Variants in MLLT3 observed in about 807,000 individuals in gnomAD.
MLLT3 encodes the protein protein AF-9.
In MLLT3, 4 loss-of-function variants were observed where a neutral mutation model predicts 53.2. The observed-to-expected ratio is 0.08, with a 90% CI of 0.04 to 0.17. The LOEUF (loss-of-function observed/expected upper bound fraction) is 0.17. MLLT3 is among the 10% of genes least tolerant of loss of function. The pLI, the probability that MLLT3 is intolerant of heterozygous loss-of-function variation, is 1.00. For missense variants in MLLT3, 569 were observed against 684.0 expected, an observed-to-expected ratio of 0.83 and a Z score of 1.87; for synonymous variants, 283 against 230.6, an observed-to-expected ratio of 1.23 and a Z score of -2.06.
At chr9:20,354,620 C>G (rs1308015576) in intron 9 of MLLT3, among the ~76,000 whole-genome samples, 188 bp downstream of exon 9, 1 of 152,168 alleles carries the variant, frequency 6.6e-6, no homozygotes, top group African/African-American at 2.4e-5. Flanking sequence ...AAGCTTAATA[C>G]TGAAGATATA....
At chr9:20,562,226 A>G (rs974553654) in intron 2 of MLLT3, among the ~76,000 whole-genome samples, 22 of 152,122 alleles carry the variant, frequency 1.4e-4, no homozygotes, top group African/African-American at 3.6e-4. Context: ...CACAATCACT[A>G]TAAGTTTCCA....
intron 2 of MLLT3, among the ~76,000 whole-genome samples, chr9:20,613,936 A>G (rs568335515): frequency 6.6e-6 from 1 of 152,340 alleles, no homozygotes; most frequent in Non-Finnish European, 1.5e-5. Context: ...ATGAATGTCA[A>G]AGATGTCCAC....
At chr9:20,504,312 T>C (rs1432628683) in intron 2 of MLLT3, among the ~76,000 whole-genome samples, 1 of 151,778 alleles carries the variant, frequency 6.6e-6, no homozygotes, top group Admixed American at 6.6e-5. Context: ...AAGAGAAGAA[T>C]GGACAAAGAA....
intron 5 of MLLT3, among the ~76,000 whole-genome samples, chr9:20,384,901 C>T (rs1426239598): frequency 6.6e-6 from 1 of 152,050 alleles, no homozygotes; most frequent in Non-Finnish European, 1.5e-5. Context: ...CCAGCCGCAC[C>T]CTCCTGGGGC....
intron 2 of MLLT3, among the ~76,000 whole-genome samples, chr9:20,612,753 C>T (rs999160361): frequency 2.4e-4 from 36 of 151,924 alleles, no homozygotes; most frequent in Non-Finnish European, 4.7e-4. Flanking sequence ...CAAAAAGATA[C>T]CAAATTTCAA....
chr9:20,434,588 A>C (rs1823355439), intron 4 of MLLT3, among the ~76,000 whole-genome samples: 1 of 152,152 alleles, frequency 6.6e-6, no homozygotes, highest in Admixed American at 6.5e-5. Flanking sequence ...GCAGACCTAA[A>C]TTGCACCATA....
At chr9:20,470,453 C>A (rs921332066) in intron 2 of MLLT3, among the ~76,000 whole-genome samples, 6 of 151,956 alleles carry the variant, frequency 3.9e-5, no homozygotes, top group African/African-American at 1.4e-4. Flanking sequence ...TCCTAAATAG[C>A]AACGTTTTTG....
chr9:20,618,874 C>G (rs1820908651), intron 2 of MLLT3, among the ~76,000 whole-genome samples: 1 of 152,078 alleles, frequency 6.6e-6, no homozygotes, highest in Admixed American at 6.5e-5. Flanking sequence ...TGTTGATTGT[C>G]AAGGTGCCTA....
chr9:20,481,530 G>C (rs1429751207), intron 2 of MLLT3, among the ~76,000 whole-genome samples: 1 of 152,068 alleles, frequency 6.6e-6, no homozygotes, highest in Non-Finnish European at 1.5e-5. Flanking sequence ...TGAGGGGATG[G>C]GGGTTCCTAG....
At chr9:20,507,022 T>C (rs779530441) in intron 2 of MLLT3, among the ~76,000 whole-genome samples, 8 of 152,210 alleles carry the variant, frequency 5.3e-5, no homozygotes, top group African/African-American at 1.4e-4. Context: ...TACTATTCAA[T>C]TGGCAGTATG....
In MLLT3 at chr9:20,498,227, C is replaced by CAAAAAAAAAAAAA. The variant is rs529049653; in HGVS notation, c.194-41454_194-41442dup. 2.5e-4 allele frequency among the ~76,000 whole-genome samples: 8 copies of CAAAAAAAAAAAAA among 32,518 alleles called. 2 individuals are homozygous for CAAAAAAAAAAAAA. Among genetic ancestry groups the CAAAAAAAAAAAAA allele is most frequent in the African/African-American group, 3.2e-4 (4 of 12,512 alleles). 21.3% of individuals were successfully genotyped at this position (32,518 alleles called of 152,430 possible). Reference sequence around the variant, plus strand: ...TAGGTGACAGAGCGAGACGCTGTCTCAAAAAAAAAAAAAAAAAAAAAAAAA... The same window carrying CAAAAAAAAAAAAA: ...TAGGTGACAGAGCGAGACGCTGTCTCAAAAAAAAAAAAAAAAAAAAAAAAAAAAAAAAAAAAAA... On this transcript the variant is annotated intron_variant, in intron 2 of 10. Coordinates refer to ENST00000380338, the MANE Select transcript of MLLT3 (RefSeq NM_004529.4).
At chr9:20,478,729 T>C (rs1824587692) in intron 2 of MLLT3, among the ~76,000 whole-genome samples, 1 of 152,192 alleles carries the variant, frequency 6.6e-6, no homozygotes, top group Non-Finnish European at 1.5e-5. Context: ...GGGCAAGTCA[T>C]TTTAACCTCG....
At chr9:20,504,295 G>A (rs1456736355) in intron 2 of MLLT3, among the ~76,000 whole-genome samples, 1 of 151,978 alleles carries the variant, frequency 6.6e-6, no homozygotes, top group Admixed American at 6.6e-5. Context: ...CAACCTAAGT[G>A]TCCATGAAGA....
intron 8 of MLLT3, among the ~76,000 whole-genome samples, chr9:20,358,173 C>T (rs1172050098): frequency 1.3e-5 from 2 of 152,022 alleles, no homozygotes; most frequent in Non-Finnish European, 2.9e-5. Flanking sequence ...TAGCATCACA[C>T]CTGACCCCAG....
At chr9:20,532,880 C>G (rs10757136) in intron 2 of MLLT3, 130,377 of 251,266 alleles carry the variant, frequency 0.52, 34,626 homozygotes, top group East Asian at 0.73. Flanking sequence ...CAAAGCAAGA[C>G]AAGAAGCAGA....
At chr9:20,520,484 T>C (rs1001217935) in intron 2 of MLLT3, among the ~76,000 whole-genome samples, 5 of 152,198 alleles carry the variant, frequency 3.3e-5, no homozygotes, top group African/African-American at 1.2e-4. Context: ...AGTTCCATCC[T>C]AAATGCTGTG....
chr9:20,530,375 C>A (rs189861461), intron 2 of MLLT3, among the ~76,000 whole-genome samples: 2 of 152,112 alleles, frequency 1.3e-5, no homozygotes, highest in African/African-American at 4.8e-5. Flanking sequence ...ATTTAACATA[C>A]GTATTTTATT....
chr9:20,358,066 G>C (rs1821216727), intron 8 of MLLT3, among the ~76,000 whole-genome samples: 1 of 150,466 alleles, frequency 6.6e-6, no homozygotes, highest in Non-Finnish European at 1.5e-5. Flanking sequence ...TTGACTTTTA[G>C]ATTTTTAAGA....
At chr9:20,415,465 A>G (rs1458552332) in intron 4 of MLLT3, 3 of 968,840 alleles carry the variant, frequency 3.1e-6, no homozygotes, top group East Asian at 2.3e-4. Context: ...CATTAATAGT[A>G]AGAATAAGAA....
Sources: allele counts gnomAD v4.1 joint callset (sites outside exome capture counted in the v4.1 genomes callset), GRCh38; gene constraint gnomAD v4.1.1; transcripts MANE v1.5; gene names NCBI Gene and HGNC (gene_info 2026-07-23, HGNC 2026-07-21).